Variants in BABAM2 observed in about 807,000 individuals in gnomAD.
The protein encoded by BABAM2 is BRISC and BRCA1-A complex member 2.
A neutral mutation model predicts 54.7 loss-of-function variants in BABAM2; 31 were observed. The observed-to-expected ratio is 0.57, with a 90% CI of 0.43 to 0.77. BABAM2 has a LOEUF of 0.77. Among genes scored for constraint, BABAM2 ranks in the 30% least tolerant of loss-of-function variants. The pLI is 0.00. For synonymous variants in BABAM2, 167 were observed against 162.9 expected (o/e 1.03, Z -0.19); for missense variants, 364 against 455.8 (o/e 0.80, Z 1.83).
intron 7 of BABAM2, among the ~76,000 whole-genome samples, chr2:28,183,145 T>A (rs1048647535): frequency 6.6e-6 from 1 of 152,060 alleles, no homozygotes; most frequent in Non-Finnish European, 1.5e-5. Context: ...ATTAGAAAAA[T>A]CCACAAAATA....
chr2:28,029,162 AGTT>A, intron 5 of BABAM2, among the ~76,000 whole-genome samples: 1 of 152,280 alleles, frequency 6.6e-6, no homozygotes, highest in South Asian at 2.1e-4. Flanking sequence ...TTACAAATCA[AGTT>A]GTTTGTTCAG....
chr2:28,236,575 A>G (rs199729620), intron 7 of BABAM2, among the ~76,000 whole-genome samples: 1 of 152,094 alleles, frequency 6.6e-6, no homozygotes, highest in Non-Finnish European at 1.5e-5. Context: ...CATGTTAGCC[A>G]GGCTGGTCTC....
At chr2:28,014,282 C>G (rs898351830) in intron 4 of BABAM2, among the ~76,000 whole-genome samples, 36 of 152,064 alleles carry the variant, frequency 2.4e-4, no homozygotes, top group Non-Finnish European at 4.0e-4. Flanking sequence ...AAACTCCAAC[C>G]AAGCCAAACT....
intron 5 of BABAM2, among the ~76,000 whole-genome samples, chr2:28,035,676 T>C (rs1373147580): frequency 6.6e-6 from 1 of 152,176 alleles, no homozygotes; most frequent in East Asian, 1.9e-4. Context: ...GTCTTTGTAA[T>C]GGAATTTGTT....
At chr2:28,300,073 G>A (rs978485388) in intron 11 of BABAM2, among the ~76,000 whole-genome samples, 1 of 152,090 alleles carries the variant, frequency 6.6e-6, no homozygotes, top group Non-Finnish European at 1.5e-5. Flanking sequence ...TGAGTAGCTG[G>A]GACTATCGGC....
intron 5 of BABAM2, among the ~76,000 whole-genome samples, chr2:28,037,057 A>C (rs904752497): frequency 4.6e-5 from 7 of 152,094 alleles, no homozygotes; most frequent in African/African-American, 1.7e-4. Context: ...ATACGCTTTT[A>C]GTTTTTTTTA....
intron 6 of BABAM2, among the ~76,000 whole-genome samples, chr2:28,076,820 A>G (rs1383103359): frequency 6.6e-6 from 1 of 152,160 alleles, no homozygotes. Context: ...CATTTTTAAT[A>G]GAAAGTTTTA....
chr2:28,164,493 CACA>C (rs1673433863), intron 7 of BABAM2, among the ~76,000 whole-genome samples: 1 of 151,812 alleles, frequency 6.6e-6, no homozygotes, highest in Admixed American at 6.6e-5. Flanking sequence ...ATGTTTATCC[CACA>C]ACATTTTTTT....
intron 3 of BABAM2, among the ~76,000 whole-genome samples, chr2:27,973,521 C>T (rs926544766): frequency 3.3e-5 from 5 of 151,760 alleles, no homozygotes; most frequent in Admixed American, 6.6e-5. Flanking sequence ...CTCTTAGACT[C>T]TTTTCTTTTG....
At chr2:27,890,559 TC>T (rs1664728709), upstream of BABAM2, 3 of 537,064 alleles carry the variant, frequency 5.6e-6, no homozygotes, top group Non-Finnish European at 6.7e-6. This position sits in a 1 kb window ranked among gnomAD's most constrained non-coding sequence, Gnocchi z 4.8. Flanking sequence ...AACAGGGCCC[TC>T]CTGATATGGC....
intron 7 of BABAM2, among the ~76,000 whole-genome samples, chr2:28,214,208 A>T (rs551466618): frequency 1.3e-5 from 2 of 152,268 alleles, no homozygotes; most frequent in South Asian, 2.1e-4. Context: ...AGTGCAATTT[A>T]ATCTGATATA....
At chr2:28,178,481 C>T (rs146161583) in intron 7 of BABAM2, among the ~76,000 whole-genome samples, 35 of 152,106 alleles carry the variant, frequency 2.3e-4, no homozygotes, top group African/African-American at 8.4e-4. Context: ...CACACCACAA[C>T]CTATGAGATA....
chr2:28,325,289 G>C lies in BABAM2; in HGVS notation c.1089-13161G>C, dbSNP rs992239774. Among the ~76,000 whole-genome samples, 1 of 152,158 alleles carries C rather than the reference G, an allele frequency of 6.6e-6. No individual in the cohort carries two copies. The highest frequency in any genetic ancestry group is 6.5e-5 in the Admixed American group (1 of 15,270). The stretch of plus-strand genomic sequence containing the variant: ...CCTGCTGTCAGCATGTGCAGGGCCC[G>C]AGCTGGTGCAGTGTGGAGTGATCCC... On this transcript the variant is annotated intron_variant, in intron 11 of 11. Transcript: ENST00000379624. This position sits in a 1 kb window ranked among gnomAD's most constrained non-coding sequence, Gnocchi z 4.3.
At chr2:27,993,926 A>G (rs1377784665) in intron 4 of BABAM2, among the ~76,000 whole-genome samples, 7 of 152,194 alleles carry the variant, frequency 4.6e-5, no homozygotes, top group African/African-American at 1.7e-4. Flanking sequence ...CAAAATATAT[A>G]CAAAGAATGC....
chr2:28,081,904 T>G (rs1177224357), intron 6 of BABAM2, among the ~76,000 whole-genome samples: 2 of 152,226 alleles, frequency 1.3e-5, no homozygotes, highest in East Asian at 3.8e-4. Flanking sequence ...TACATGCAGT[T>G]TTTAATAAAA....
At position 28,198,082 on chromosome 2, in the gene BABAM2, C is replaced by T. The variant is rs568731469; in HGVS notation, c.681-39120C>T. On this transcript the variant is annotated intron_variant, in intron 7 of 11. Transcript: ENST00000379624. ...TAATCTGTGCTACAGAGGGAGAATG[C>T]AAGGAAATATGCTTATGTTGACTTG... Among the ~76,000 whole-genome samples, 12 of 151,962 alleles carry T rather than the reference C, an allele frequency of 7.9e-5. 1 individual carries two copies. In the South Asian group the frequency reaches 2.5e-3, roughly 32 times the overall value.
chr2:27,942,868 A>C (rs1366293617), intron 3 of BABAM2, among the ~76,000 whole-genome samples: 1 of 151,054 alleles, frequency 6.6e-6, no homozygotes, highest in African/African-American at 2.4e-5. Context: ...CCTGGAGTGC[A>C]TTATAGCTCA....
chr2:28,041,113 A>G (rs1462042198), intron 5 of BABAM2, among the ~76,000 whole-genome samples: 1 of 152,210 alleles, frequency 6.6e-6, no homozygotes, highest in Admixed American at 6.5e-5. Context: ...TATCTTTCCT[A>G]TTACCTTATA....
At chr2:27,998,247 T>C (rs1022525686) in intron 4 of BABAM2, among the ~76,000 whole-genome samples, 1 of 152,104 alleles carries the variant, frequency 6.6e-6, no homozygotes, top group Non-Finnish European at 1.5e-5. Flanking sequence ...CCATCCGCTC[T>C]TTGTCGCCTC....
Sources: gnomAD v4.1 joint callset for allele counts (sites outside exome capture counted in the v4.1 genomes callset) on GRCh38, gnomAD v4.1.1 for gene constraint, Gnocchi (gnomAD v3.1) non-coding constraint, MANE v1.5 for transcripts, NCBI Gene and HGNC (gene_info 2026-07-23, HGNC 2026-07-21) for gene names.